Variants in LIMCH1 observed in about 807,000 individuals in gnomAD.
The protein encoded by LIMCH1 is LIM and calponin homology domains 1.
A neutral mutation model predicts 176.5 loss-of-function variants in LIMCH1; 113 were observed. That is an observed-to-expected ratio of 0.64 (90% CI 0.55 to 0.75). The LOEUF is 0.75. Ranked by LOEUF, LIMCH1 falls within the 30% of genes least tolerant of loss-of-function variation. LIMCH1 has a pLI of 0.00. For synonymous variants in LIMCH1, 619 were observed against 645.9 expected (o/e 0.96, Z 0.63); for missense variants, 1,674 against 1,814.9 (o/e 0.92, Z 1.41).
At chr4:41,481,769 T>C (rs777019321) in intron 1 of LIMCH1, among the ~76,000 whole-genome samples, 10 of 152,034 alleles carry the variant, frequency 6.6e-5, no homozygotes, top group Non-Finnish European at 1.5e-4. Context: ...TTCATTGATA[T>C]GGAGGAGACC....
Position 41,646,868 on chromosome 4 carries a change from C to G in LIMCH1, c.2795C>G (p.Ser932Cys). Residue 932 changes from serine (S) to cysteine (C), a missense_variant, in exon 17 of 32, where the codon TCT becomes TGT. Physicochemically the swap from Ser to Cys is moderately radical, Grantham distance 112. This residue lies in a region of LIMCH1 where 1,015 missense variants were observed against 1,102.5 expected (regional missense o/e 0.92). Coordinates refer to ENST00000503057, the MANE Select transcript of LIMCH1 (RefSeq NM_001330672.2). ...AAGCCTTACTCCCAGCCCAAAAATT[C>G]TCAAGATGTTCTGAAGACCTTTAAG... ...TPKPYSQPKN[S>C]QDVLKTFKVD... 1 of 1,613,802 alleles carries G rather than the reference C, an allele frequency of 6.2e-7. No individual in the cohort carries two copies.
chr4:41,518,614 C>T (rs1257764677), intron 2 of LIMCH1, among the ~76,000 whole-genome samples: 1 of 152,228 alleles, frequency 6.6e-6, no homozygotes, highest in Non-Finnish European at 1.5e-5. Context: ...ATGTGCAGAA[C>T]GTGCAGGTTT....
chr4:41,366,912 T>G (rs1056166613), intron 1 of LIMCH1, among the ~76,000 whole-genome samples: 2 of 150,418 alleles, frequency 1.3e-5, no homozygotes, highest in African/African-American at 5.0e-5. Context: ...GAGGTTTAAC[T>G]GACTTACAGT....
At chr4:41,447,889 C>T (rs1180375149) in intron 1 of LIMCH1, among the ~76,000 whole-genome samples, 1 of 152,086 alleles carries the variant, frequency 6.6e-6, no homozygotes, top group Non-Finnish European at 1.5e-5. Context: ...CTCCTGGGTT[C>T]AAGTGATTCT....
Position 41,629,677 on chromosome 4 carries a change from A to G in LIMCH1, c.1214A>G (p.Asn405Ser). The change falls in exon 9 of 32, where the codon AAC becomes AGC. Residue 405 changes from asparagine to serine, a missense_variant. This residue lies in a region of LIMCH1 where 655 missense variants were observed against 692.2 expected (regional missense o/e 0.95). Transcript: ENST00000503057. ...REPPSFITLS[N>S]ITEADLETWE... ...CCCCCGAGCTTCATTACGCTCTCCA[A>G]CATAACAGAAGCTGACTTGGAGACG... 1 of 1,536,042 alleles carries G rather than the reference A, an allele frequency of 6.5e-7. No individual in the cohort carries two copies. The highest frequency in any genetic ancestry group is 8.7e-7 in the Non-Finnish European group (1 of 1,146,872).
chr4:41,395,963 T>C (rs1441095846), intron 1 of LIMCH1, among the ~76,000 whole-genome samples: 1 of 152,158 alleles, frequency 6.6e-6, no homozygotes, highest in East Asian at 1.9e-4. Context: ...AGGGACAGTC[T>C]TACTGAGAAG....
chr4:41,520,138 G>A (rs932249544), intron 2 of LIMCH1, among the ~76,000 whole-genome samples: 6 of 152,080 alleles, frequency 3.9e-5, no homozygotes, highest in East Asian at 3.9e-4. Context: ...TCTGTTTTAC[G>A]AATCTTCTTA....
chr4:41,468,777 G>A (rs1416881761), intron 1 of LIMCH1, among the ~76,000 whole-genome samples: 10 of 152,100 alleles, frequency 6.6e-5, no homozygotes, highest in South Asian at 2.1e-4. Context: ...TCTTACTTTC[G>A]TACACACCTA....
rs150146050 is a variant in LIMCH1 at position 41,666,595 on chromosome 4, C to T, written c.3326C>T (p.Thr1109Met). Residue 1109 changes from threonine to methionine, a missense_variant, in exon 21 of 32, where the codon ACG becomes ATG. Coordinates refer to ENST00000503057, the MANE Select transcript of LIMCH1 (RefSeq NM_001330672.2). ...CCAAAATCTCCAGAACCCGAAGCAA[C>T]GCTGACATTTCCATTTCTGGACAAA... ...VKPKSPEPEA[T>M]LTFPFLDKMP... The T allele has an allele frequency of 4.2e-5, 68 of 1,613,826 alleles. 1 individual carries two copies. Among genetic ancestry groups the T allele is most frequent in the East Asian group, 2.2e-4 (10 of 44,894 alleles).
chr4:41,684,628 T>C, intron 27 of LIMCH1, 110 bp downstream of exon 27: 2 of 1,220,074 alleles, frequency 1.6e-6, no homozygotes, highest in East Asian at 4.8e-5. Context: ...CTAAGGGCCC[T>C]GGACTTCTAG....
In LIMCH1 at chr4:41,667,468, A is replaced by C. The variant is rs1397736312; in HGVS notation, c.3397+802A>C. On this transcript the variant is annotated intron_variant, in intron 21 of 31. Transcript: ENST00000503057. ...CTAAAGATTTAAAAATGTTTAACACATACATACTGAGGATATATTTTAATA... is the reference window on the plus strand; with the variant it reads ...CTAAAGATTTAAAAATGTTTAACACCTACATACTGAGGATATATTTTAATA... 2.0e-5 allele frequency among the ~76,000 whole-genome samples: 3 copies of C among 152,168 alleles called. No individual in the cohort carries two copies. In the South Asian group the frequency reaches 6.2e-4, roughly 31 times the overall value.
intron 1 of LIMCH1, among the ~76,000 whole-genome samples, chr4:41,398,455 A>G (rs1015707275): frequency 1.4e-4 from 22 of 152,150 alleles, no homozygotes; most frequent in African/African-American, 4.8e-4. Context: ...TTAAAGCAAC[A>G]TATTTGGTAT....
chr4:41,636,076 T>A (rs1246712651), intron 13 of LIMCH1, among the ~76,000 whole-genome samples: 1 of 152,036 alleles, frequency 6.6e-6, no homozygotes, highest in African/African-American at 2.4e-5. Flanking sequence ...CTGGCTGATT[T>A]TTTTGTTTTT....
In LIMCH1 at chr4:41,487,986, C is replaced by T. The variant is rs1371577094; in HGVS notation, c.97-6550C>T. On this transcript the variant is annotated intron_variant, in intron 1 of 26. Coordinates refer to the LIMCH1 transcript ENST00000313860. ...GTATTTATCATAAGAGTTTAGATTG[C>T]TTTTCTCAGCAATCGGTGAGCTTCC... Among the ~76,000 whole-genome samples, 6 of 150,706 alleles carry T rather than the reference C, an allele frequency of 4.0e-5. No homozygotes were observed. In the East Asian group the frequency reaches 1.2e-3, roughly 29 times the overall value.
intron 1 of LIMCH1, among the ~76,000 whole-genome samples, chr4:41,460,698 G>A (rs1044615853): frequency 1.3e-4 from 20 of 152,138 alleles, no homozygotes; most frequent in Non-Finnish European, 1.9e-4. Context: ...TCTGCTAACC[G>A]TCAGCCCTCT....
Position 41,538,247 on chromosome 4 carries a change from G to A in LIMCH1, c.-344G>A, listed in dbSNP as rs2078171379. On this transcript the variant is annotated 5_prime_UTR_variant, in exon 1 of 32. Transcript: ENST00000503057. The stretch of plus-strand genomic sequence containing the variant: ...GGGAAAGGAAATGTAAGGGCATTTC[G>A]GCTGCTGTGCTGGGGCTGACGAGGA... 10 of 985,520 alleles carry A rather than the reference G, an allele frequency of 1.0e-5. No homozygotes were observed. The highest frequency in any genetic ancestry group is 4.7e-5 in the South Asian group (1 of 21,290). 61.0% of individuals were successfully genotyped at this position (985,520 alleles called of 1,614,324 possible). A position where few individuals can be genotyped will look rare whatever the true frequency, so the allele number is the denominator to read the frequency against.
chr4:41,519,002 G>C (rs983124926), intron 2 of LIMCH1, among the ~76,000 whole-genome samples: 5 of 152,098 alleles, frequency 3.3e-5, no homozygotes, highest in Non-Finnish European at 7.4e-5. Context: ...ATTTGGGTTG[G>C]TTCCAAGTCT....
chr4:41,394,367 G>A (rs1481085523), intron 1 of LIMCH1, among the ~76,000 whole-genome samples: 1 of 152,146 alleles, frequency 6.6e-6, no homozygotes, highest in Non-Finnish European at 1.5e-5. Context: ...TCTGAAATGA[G>A]AATGAAATAT....
At chr4:41,642,795 T>C (rs1263423197) in intron 14 of LIMCH1, among the ~76,000 whole-genome samples, 1 of 150,712 alleles carries the variant, frequency 6.6e-6, no homozygotes, top group Non-Finnish European at 1.5e-5. Flanking sequence ...GCCAGGCTGG[T>C]CTTGAATTCC....
Sources: gnomAD v4.1 joint callset for allele counts (sites outside exome capture counted in the v4.1 genomes callset) on GRCh38, gnomAD v4.1.1 for gene constraint, gnomAD v4.1.1 regional missense constraint, MANE v1.5 for transcripts, NCBI Gene and HGNC (gene_info 2026-07-23, HGNC 2026-07-21) for gene names.